Variants in WHRN observed in about 807,000 individuals in gnomAD.
The protein encoded by WHRN is CASK-interacting protein CIP98.
Under a neutral mutation model 68.3 loss-of-function variants are expected in WHRN, and 41 were observed. That is an observed-to-expected ratio of 0.60 (90% CI 0.47 to 0.78). The LOEUF (loss-of-function observed/expected upper bound fraction) is 0.78. Among genes scored for constraint, WHRN ranks in the 30% least tolerant of loss-of-function variants. The pLI, the probability that WHRN is intolerant of heterozygous loss-of-function variation, is 0.00. For missense variants in WHRN, 1,243 were observed against 1,244.7 expected (o/e 1.00, Z 0.02); for synonymous variants, 560 against 561.3 (o/e 1.00, Z 0.03).
chr9:114,456,076 G>GT (rs1211160240), intron 3 of WHRN, among the ~76,000 whole-genome samples: 17 of 150,596 alleles, frequency 1.1e-4, no homozygotes, highest in Admixed American at 3.3e-4. Context: ...TTGAAAAATC[G>GT]TAAGTTGACC....
intron 3 of WHRN, among the ~76,000 whole-genome samples, chr9:114,454,788 G>T (rs750744255): frequency 1.1e-4 from 16 of 152,044 alleles, no homozygotes; most frequent in Admixed American, 2.0e-4. Context: ...CAAATTGGAG[G>T]ACTCTGTACC....
intron 3 of WHRN, among the ~76,000 whole-genome samples, chr9:114,434,450 C>T (rs7860351): frequency 1 from 151,645 of 152,264 alleles, 75,517 homozygotes; most frequent in Middle Eastern, 1. Context: ...ACAAGTTCCA[C>T]TTCACTAGCC....
chr9:114,405,070 CTTTTTTTTTTTTT>C (rs34172199), intron 9 of WHRN, among the ~76,000 whole-genome samples: 1 of 109,200 alleles, frequency 9.2e-6, no homozygotes, highest in Admixed American at 1.0e-4. Flanking sequence ...CTCTCTCTCT[CTTTTTTTTTTTTT>C]TTTTTTTTTG....
intron 1 of WHRN, among the ~76,000 whole-genome samples, chr9:114,480,931 G>A (rs1319673828): frequency 5.3e-5 from 8 of 152,108 alleles, no homozygotes; most frequent in Non-Finnish European, 8.8e-5. Context: ...TGGGTGCTAG[G>A]ATTATGGGTG....
chr9:114,480,569 A>G lies in WHRN; in HGVS notation c.619-1798T>C, dbSNP rs187983223. On this transcript the variant is annotated intron_variant, in intron 1 of 11. Coordinates refer to ENST00000362057, the MANE Select transcript of WHRN (RefSeq NM_015404.4). ...GAAAGTGGGCCCTCACCAGAACCCG[A>G]GAACAATGGCACCCTGATCTCAGAC... is the stretch of plus-strand genomic sequence containing the variant. Among the ~76,000 whole-genome samples, 350 of 152,290 alleles carry G rather than the reference A, an allele frequency of 2.3e-3. 1 individual carries two copies. The South Asian group carries it at 0.031, about 13-fold the overall frequency.
chr9:114,482,876 G>A (rs562584847), intron 1 of WHRN, among the ~76,000 whole-genome samples: 134 of 152,140 alleles, frequency 8.8e-4, no homozygotes, highest in African/African-American at 3.1e-3. Flanking sequence ...GGGCCAAGTC[G>A]CTGAGTCTCC....
chr9:114,416,706 C>T (rs896579376), intron 7 of WHRN, among the ~76,000 whole-genome samples: 4 of 152,220 alleles, frequency 2.6e-5, no homozygotes, highest in Non-Finnish European at 5.9e-5. Context: ...CAGGCAGTTT[C>T]TTACAGTAGT....
intron 8 of WHRN, 106 bp from the exon 9 acceptor site, chr9:114,406,998 C>G: frequency 7.4e-7 from 1 of 1,353,440 alleles, no homozygotes; most frequent in African/African-American, 1.4e-5. Context: ...ATTCTGTCCC[C>G]ACTCTAACTG....
At chr9:114,496,045 G>A (rs868740166) in intron 1 of WHRN, among the ~76,000 whole-genome samples, 29 of 149,288 alleles carry the variant, frequency 1.9e-4, no homozygotes, top group African/African-American at 6.6e-4. Flanking sequence ...AAATTACAGG[G>A]TTTTTTTTTT....
Position 114,406,824 on chromosome 9 carries a change from G to T in WHRN, c.1767C>A (p.Ala589=). The T allele has an allele frequency of 6.2e-7, 1 of 1,609,548 alleles. No homozygotes were observed. Among genetic ancestry groups the T allele is most frequent in the Non-Finnish European group, 8.5e-7 (1 of 1,177,882 alleles). Residue 589 remains alanine, a synonymous_variant, in exon 9 of 12, where the codon GCC becomes GCA. Coordinates refer to ENST00000362057, the MANE Select transcript of WHRN (RefSeq NM_015404.4). ...FKPLPRPPPL[A]QGNDLPLGQP... ...GGCCTAGTGGGAGGTCGTTGCCTTG[G>T]GCCAGAGGTGGTGGGCGAGGCAGTG...
At chr9:114,467,570 T>G (rs1177144800) in intron 2 of WHRN, among the ~76,000 whole-genome samples, 1 of 151,880 alleles carries the variant, frequency 6.6e-6, no homozygotes, top group Non-Finnish European at 1.5e-5. Flanking sequence ...AAGTCAGTGC[T>G]CAGGAGAGCA....
intron 2 of WHRN, among the ~76,000 whole-genome samples, chr9:114,468,915 A>G (rs1589210347): frequency 1.3e-5 from 2 of 152,252 alleles, no homozygotes; most frequent in South Asian, 4.1e-4. Flanking sequence ...GCAGCTTTGC[A>G]TATTTGGGAG....
intron 3 of WHRN, among the ~76,000 whole-genome samples, chr9:114,430,421 T>G (rs917062526): frequency 2.6e-5 from 4 of 152,234 alleles, no homozygotes; most frequent in African/African-American, 9.6e-5. Flanking sequence ...CATCCTGTGT[T>G]TTTATTACTG....
chr9:114,423,573 T>G, intron 6 of WHRN, 50 bp from the exon 7 acceptor site: 1 of 1,541,324 alleles, frequency 6.5e-7, no homozygotes, highest in Non-Finnish European at 8.8e-7. Context: ...TACTAGAAGG[T>G]GGAACAGGGG....
chr9:114,478,027 G>C (rs925127310), intron 2 of WHRN, among the ~76,000 whole-genome samples: 5 of 152,124 alleles, frequency 3.3e-5, no homozygotes, highest in African/African-American at 9.7e-5. Context: ...AAGATGGAGG[G>C]AATCTGGGTC....
chr9:114,402,993 G>A, intron 11 of WHRN, 57 bp from the exon 12 acceptor site: 2 of 1,572,566 alleles, frequency 1.3e-6, no homozygotes, highest in Non-Finnish European at 1.7e-6. Flanking sequence ...GCCTGGCTTT[G>A]ACCACCAACT....
intron 1 of WHRN, among the ~76,000 whole-genome samples, chr9:114,486,027 A>C (rs1842448301): frequency 6.6e-6 from 1 of 151,960 alleles, no homozygotes; most frequent in African/African-American, 2.4e-5. Context: ...ATAATAATAA[A>C]ATTAAAAGCA....
At chr9:114,420,438 C>T (rs1379209087) in intron 7 of WHRN, among the ~76,000 whole-genome samples, 2 of 152,192 alleles carry the variant, frequency 1.3e-5, no homozygotes. Context: ...GAGAAACAAG[C>T]TCAGAGAAGG....
At chr9:114,501,898 C>T (rs1432715127) in intron 1 of WHRN, among the ~76,000 whole-genome samples, 85 of 152,186 alleles carry the variant, frequency 5.6e-4, no homozygotes. Context: ...AAAGCTGGGG[C>T]CTCTTTCAGC....
Sources: gnomAD v4.1 joint callset for allele counts (sites outside exome capture counted in the v4.1 genomes callset) on GRCh38, gnomAD v4.1.1 for gene constraint, MANE v1.5 for transcripts, NCBI Gene and HGNC (gene_info 2026-07-23, HGNC 2026-07-21) for gene names.